The following THADA variants were observed in gnomAD, a reference collection of about 807,000 sequenced individuals.
THADA encodes tRNA (32-2'-O)-methyltransferase regulator THADA.
THADA carries 213 observed loss-of-function variants against 219.8 expected under a neutral mutation model. The ratio of observed to expected loss-of-function variants is 0.97; its 90% confidence interval spans 0.87 to 1.09. THADA has a LOEUF of 1.09. Ranked by LOEUF, THADA falls within the 50% of genes least tolerant of loss-of-function variation. The pLI, the probability that THADA is intolerant of heterozygous loss-of-function variation, is 0.00. For missense variants in THADA, 2,956 were observed against 2,311.3 expected, an observed-to-expected ratio of 1.28 and a Z score of -5.72; for synonymous variants, 1,018 against 828.9, an observed-to-expected ratio of 1.23 and a Z score of -3.92.
chr2:43,548,104 G>T (rs1409194004), intron 20 of THADA, among the ~76,000 whole-genome samples: 6 of 152,320 alleles, frequency 3.9e-5, no homozygotes, highest in Admixed American at 1.3e-4. Context: ...TCAGCTGCAG[G>T]TCTGTTGGAG....
intron 26 of THADA, among the ~76,000 whole-genome samples, chr2:43,453,627 C>T (rs1346825171): frequency 2.6e-5 from 4 of 152,108 alleles, no homozygotes; most frequent in African/African-American, 9.7e-5. Context: ...TTGGTTTTCT[C>T]ACAAACGCTG....
chr2:43,339,735 C>T (rs1050467216), intron 30 of THADA, among the ~76,000 whole-genome samples: 1 of 152,060 alleles, frequency 6.6e-6, no homozygotes, highest in Non-Finnish European at 1.5e-5. Flanking sequence ...TAATATAATA[C>T]TAATTACAAC....
chr2:43,392,207 T>C (rs1039685101), intron 29 of THADA, among the ~76,000 whole-genome samples: 6 of 152,202 alleles, frequency 3.9e-5, no homozygotes, highest in African/African-American at 1.4e-4. Context: ...ATAAATGACA[T>C]TAAAATTCTT....
At chr2:43,464,504 G>GT (rs1395380416) in intron 26 of THADA, among the ~76,000 whole-genome samples, 2 of 152,074 alleles carry the variant, frequency 1.3e-5, no homozygotes, top group African/African-American at 2.4e-5. Context: ...TTGGGCCTGG[G>GT]TTTTTTTCCA....
intron 30 of THADA, among the ~76,000 whole-genome samples, chr2:43,323,885 C>A (rs1161754429): frequency 6.6e-6 from 1 of 152,158 alleles, no homozygotes; most frequent in African/African-American, 2.4e-5. Flanking sequence ...AGAGGGAATT[C>A]ATTTGGCTTC....
At chr2:43,514,222 G>A (rs1412431553) in intron 22 of THADA, among the ~76,000 whole-genome samples, 1 of 151,594 alleles carries the variant, frequency 6.6e-6, no homozygotes, top group Non-Finnish European at 1.5e-5. Context: ...GGACGAGGCA[G>A]GCAGATCACG....
intron 22 of THADA, among the ~76,000 whole-genome samples, chr2:43,524,667 C>A (rs780632095): frequency 4.6e-5 from 7 of 152,154 alleles, no homozygotes; most frequent in Admixed American, 1.3e-4. Flanking sequence ...ATGTTCTCTG[C>A]AAAACATTCT....
At chr2:43,336,533 A>G (rs191332500) in intron 30 of THADA, among the ~76,000 whole-genome samples, 1 of 151,800 alleles carries the variant, frequency 6.6e-6, no homozygotes, top group African/African-American at 2.4e-5. Context: ...CAGCCTCCCA[A>G]AGTGCTGGGG....
intron 31 of THADA, among the ~76,000 whole-genome samples, chr2:43,308,887 G>A (rs116483230): frequency 1.9e-3 from 294 of 152,028 alleles, no homozygotes; most frequent in Non-Finnish European, 3.4e-3. Flanking sequence ...GAAGTTTTGA[G>A]GGAGCATCTT....
intron 26 of THADA, among the ~76,000 whole-genome samples, chr2:43,460,097 A>C (rs1489255197): frequency 6.6e-6 from 1 of 152,120 alleles, no homozygotes; most frequent in African/African-American, 2.4e-5. Context: ...CTGAACAAGG[A>C]CCTTGTCAGA....
intron 22 of THADA, among the ~76,000 whole-genome samples, chr2:43,514,455 A>T (rs1036929955): frequency 1.1e-4 from 15 of 132,626 alleles, no homozygotes; most frequent in African/African-American, 4.4e-4. Context: ...TGTCTTAAAA[A>T]ATATATATAT....
intron 34 of THADA, among the ~76,000 whole-genome samples, chr2:43,290,785 C>G (rs1010508486): frequency 1.3e-5 from 2 of 151,642 alleles, no homozygotes; most frequent in African/African-American, 4.8e-5. Context: ...CTGCCTTCTA[C>G]TTGTGATTCT....
At chr2:43,374,681 G>A (rs897045047) in intron 29 of THADA, among the ~76,000 whole-genome samples, 2 of 151,962 alleles carry the variant, frequency 1.3e-5, no homozygotes, top group Non-Finnish European at 2.9e-5. Context: ...CAAATGGAAT[G>A]GCATAAACCA....
rs183870891 is a variant in THADA at position 43,593,885 on chromosome 2, G to A, written c.-24-1469C>T. Among the ~76,000 whole-genome samples, 1,017 of 152,070 alleles carry A rather than the reference G, an allele frequency of 6.7e-3. 4 individuals are homozygous for A. The highest frequency in any genetic ancestry group is 0.011 in the South Asian group (54 of 4,816). On this transcript the variant is annotated intron_variant, in intron 1 of 37. Transcript: ENST00000405975. ...CCTGACCTCGTGATCCACCCACCTC[G>A]GCCCCCCAAAGTGCTGGGATTACAG... is the stretch of plus-strand genomic sequence containing the variant.
At chr2:43,268,072 T>A (rs1004336113) in intron 36 of THADA, among the ~76,000 whole-genome samples, 1 of 152,170 alleles carries the variant, frequency 6.6e-6, no homozygotes, top group Non-Finnish European at 1.5e-5. Flanking sequence ...TCAAGGCCAA[T>A]TCTTTGTTTT....
chr2:43,578,246 G>GA (rs1700061889), intron 9 of THADA, among the ~76,000 whole-genome samples: 1 of 150,978 alleles, frequency 6.6e-6, no homozygotes, highest in Non-Finnish European at 1.5e-5. Context: ...AGGCTCAAGC[G>GA]ATCCTCCTAC....
At chr2:43,326,143 G>A (rs948493535) in intron 30 of THADA, among the ~76,000 whole-genome samples, 2 of 133,962 alleles carry the variant, frequency 1.5e-5, no homozygotes, top group African/African-American at 2.8e-5. Flanking sequence ...TGTAAAAGCT[G>A]TTTCTTGTTG....
intron 36 of THADA, among the ~76,000 whole-genome samples, chr2:43,265,492 C>A (rs1353567359): frequency 6.6e-6 from 1 of 152,154 alleles, no homozygotes; most frequent in East Asian, 1.9e-4. Context: ...GTGCCGGGCC[C>A]TTTCCTAAGT....
intron 11 of THADA, among the ~76,000 whole-genome samples, chr2:43,573,483 G>C (rs1052828213): frequency 1.3e-5 from 2 of 152,164 alleles, no homozygotes; most frequent in African/African-American, 4.8e-5. Context: ...AGAAGACAGG[G>C]CAGCTTGATA....
Sources: allele counts gnomAD v4.1 joint callset (sites outside exome capture counted in the v4.1 genomes callset), GRCh38; gene constraint gnomAD v4.1.1; transcripts MANE v1.5; gene names NCBI Gene and HGNC (gene_info 2026-07-23, HGNC 2026-07-21).